The following UAP1 variants were observed in gnomAD, a reference collection of about 807,000 sequenced individuals.
UAP1 encodes UDP-N-acetylglucosamine pyrophosphorylase 1.
A neutral mutation model predicts 58.5 loss-of-function variants in UAP1; 25 were observed. That is an observed-to-expected ratio of 0.43 (90% CI 0.31 to 0.60). UAP1 has a LOEUF of 0.60. Among genes scored for constraint, UAP1 ranks in the 20% least tolerant of loss-of-function variants. The pLI, the probability that UAP1 is intolerant of heterozygous loss-of-function variation, is 0.11. For synonymous variants in UAP1, 208 were observed against 213.0 expected (o/e 0.98, Z 0.21); for missense variants, 575 against 630.0 (o/e 0.91, Z 0.93).
Position 162,588,699 on chromosome 1 carries a change from T to G in UAP1, c.1035T>G (p.Tyr345Ter). 6.2e-7 allele frequency: 1 copy of G among 1,604,924 alleles called. No individual in the cohort carries two copies. Among genetic ancestry groups the G allele is most frequent in the Non-Finnish European group, 8.5e-7 (1 of 1,176,704 alleles). The change falls in exon 7 of 11, where the codon TAT (tyrosine) becomes TAG (stop). Residue 345 changes from tyrosine to a stop codon, truncating the protein, a stop_gained. Transcript: ENST00000271469. LOFTEE classifies it high-confidence loss of function. ...TTCTCCTCCTGCTTCTTAGTGTTTA[T>G]GAACCTCAGTTGCAGCACCATGTGG...
chr1:162,590,340 A>T (rs1655222203), exon 8 of UAP1: 2 of 1,612,054 alleles, frequency 1.2e-6, no homozygotes, highest in Admixed American at 3.3e-5. Flanking sequence ...GTGGTATATG[A>T]AGTATTGCGA....
chr1:162,563,898 G>A (rs1407982449), intron 1 of UAP1, among the ~76,000 whole-genome samples: 1 of 152,170 alleles, frequency 6.6e-6, no homozygotes, highest in African/African-American at 2.4e-5. Context: ...TAAAATGATT[G>A]CATAGAATCA....
At position 162,574,657 on chromosome 1, in the gene UAP1, T is replaced by C. The variant is rs74405537; in HGVS notation, c.281-2120T>C. 2.0e-3 allele frequency among the ~76,000 whole-genome samples: 305 copies of C among 152,240 alleles called. 6 individuals carry two copies. The East Asian group carries it at 0.049, about 25-fold the overall frequency. On this transcript the variant is annotated intron_variant, in intron 2 of 10. Coordinates refer to ENST00000271469, the Ensembl canonical transcript of UAP1. ...ACAAGAACGAAACTGTTTACCATGG[T>C]TTTAATTTTATAGTTTTTCTAGCTT... is the stretch of plus-strand genomic sequence containing the variant.
chr1:162,568,389 A>C (rs987170985), intron 2 of UAP1, among the ~76,000 whole-genome samples: 20 of 152,188 alleles, frequency 1.3e-4, no homozygotes, highest in African/African-American at 4.8e-4. Flanking sequence ...CTAAACTGGT[A>C]GGTCTCCAAC....
At chr1:162,587,481 G>C in exon 6 of UAP1, 1 of 1,605,656 alleles carries the variant, frequency 6.2e-7, no homozygotes, top group Non-Finnish European at 8.5e-7. Flanking sequence ...ACAGGTGGTA[G>C]AGAAAACGAA....
In UAP1 at chr1:162,566,020, G is replaced by C. The variant is rs756639554; in HGVS notation, c.-49G>C. On this transcript the variant is annotated 5_prime_UTR_variant, in exon 2 of 11. Transcript: ENST00000271469. ...TTACTTTTCTCTTTTAGGTTTACAGGTACATACATTACACCCCTATTTCTA... is the reference window on the plus strand; with the variant it reads ...TTACTTTTCTCTTTTAGGTTTACAGCTACATACATTACACCCCTATTTCTA... The C allele has an allele frequency of 8.9e-6, 14 of 1,568,042 alleles. No individual in the cohort carries two copies. In the African/African-American group the frequency reaches 1.8e-4, roughly 20 times the overall value.
At chr1:162,593,472 G>A (rs1264576388) in intron 9 of UAP1, 1 of 152,136 alleles carries the variant, frequency 6.6e-6, no homozygotes, top group Admixed American at 6.6e-5. Flanking sequence ...TTTAAGGTTG[G>A]GTGCGGTGGC....
At chr1:162,581,953 C>T (rs1271221823) in intron 5 of UAP1, among the ~76,000 whole-genome samples, 1 of 152,168 alleles carries the variant, frequency 6.6e-6, no homozygotes, top group Non-Finnish European at 1.5e-5. Flanking sequence ...AATGACCACA[C>T]ACAGACTGAT....
intron 5 of UAP1, among the ~76,000 whole-genome samples, chr1:162,585,788 A>G (rs1654872853): frequency 6.6e-6 from 1 of 151,768 alleles, no homozygotes; most frequent in South Asian, 2.1e-4. Flanking sequence ...GTGCGTTAAA[A>G]AAAAAAAAGA....
downstream of UAP1, among the ~76,000 whole-genome samples, chr1:162,601,197 A>G (rs1217836297): frequency 6.6e-6 from 1 of 152,220 alleles, no homozygotes; most frequent in East Asian, 1.9e-4. Flanking sequence ...ATTGGGTAAA[A>G]TGTTTATGAA....
intron 10 of UAP1, among the ~76,000 whole-genome samples, chr1:162,598,877 G>A (rs181452324): frequency 2.6e-5 from 4 of 152,154 alleles, no homozygotes; most frequent in Non-Finnish European, 5.9e-5. Flanking sequence ...TTAGACGGGT[G>A]TGATGGCAGG....
At chr1:162,595,677 C>G (rs1655579702) in intron 9 of UAP1, among the ~76,000 whole-genome samples, 1 of 152,082 alleles carries the variant, frequency 6.6e-6, no homozygotes, top group African/African-American at 2.4e-5. Flanking sequence ...GTATCTTATA[C>G]AAGAGAAATA....
chr1:162,591,389 C>CT (rs146590563), intron 8 of UAP1, among the ~76,000 whole-genome samples: 1,898 of 152,258 alleles, frequency 0.012, 29 homozygotes, highest in East Asian at 0.05. Context: ...TTCACTGATA[C>CT]TTAGAAATGG....
At chr1:162,591,728 C>T (rs150477818) in intron 8 of UAP1, among the ~76,000 whole-genome samples, 22 of 152,082 alleles carry the variant, frequency 1.4e-4, no homozygotes, top group Non-Finnish European at 1.9e-4. Context: ...TCAGGTGATC[C>T]GCCCGCTTTG....
chr1:162,589,913 GT>G (rs1297004684), intron 7 of UAP1, among the ~76,000 whole-genome samples: 2 of 152,176 alleles, frequency 1.3e-5, no homozygotes, highest in Non-Finnish European at 2.9e-5. Context: ...AGAGGTTGCA[GT>G]GAGCTGAGAT....
intron 7 of UAP1, among the ~76,000 whole-genome samples, chr1:162,589,300 TTATA>T (rs572363066): frequency 7.4e-6 from 1 of 134,626 alleles, no homozygotes. Context: ...ATTGTTTATA[TTATA>T]TATATAAATA....
At chr1:162,563,420 A>G (rs1181406712) in intron 1 of UAP1, among the ~76,000 whole-genome samples, 1 of 151,560 alleles carries the variant, frequency 6.6e-6, no homozygotes, top group East Asian at 1.9e-4. Flanking sequence ...GCTGGAGTTC[A>G]GTGGCGTGAT....
chr1:162,573,365 A>G (rs1653985623), intron 2 of UAP1, among the ~76,000 whole-genome samples: 1 of 152,090 alleles, frequency 6.6e-6, no homozygotes, highest in African/African-American at 2.4e-5. Flanking sequence ...TTTACTAGCT[A>G]TGTGACCCTG....
chr1:162,600,316 A>G (rs775732909), downstream of UAP1, among the ~76,000 whole-genome samples: 2 of 152,172 alleles, frequency 1.3e-5, no homozygotes, highest in Non-Finnish European at 2.9e-5. Context: ...TTTCTCTGGT[A>G]GGCTATTCCA....
Sources: allele counts gnomAD v4.1 joint callset (sites outside exome capture counted in the v4.1 genomes callset), GRCh38; gene constraint gnomAD v4.1.1; transcripts MANE v1.5; gene names NCBI Gene and HGNC (gene_info 2026-07-23, HGNC 2026-07-21).